The following TUBGCP3 variants were observed in gnomAD, a reference collection of about 807,000 sequenced individuals.
TUBGCP3 encodes the protein tubulin gamma complex component 3.
In TUBGCP3, 50 loss-of-function variants were observed where a neutral mutation model predicts 123.1. The ratio of observed to expected loss-of-function variants is 0.41; its 90% CI spans 0.32 to 0.51. The LOEUF is 0.51. Ranked by LOEUF, TUBGCP3 falls within the 20% of genes least tolerant of loss-of-function variation. The pLI, the probability that TUBGCP3 is intolerant of heterozygous loss-of-function variation, is 0.36. For missense variants in TUBGCP3, 882 were observed against 1,127.0 expected, an observed-to-expected ratio of 0.78 and a Z score of 3.11; for synonymous variants, 405 against 413.9, an observed-to-expected ratio of 0.98 and a Z score of 0.26.
At chr13:112,529,553 G>GA (rs1458163692) in intron 11 of TUBGCP3, among the ~76,000 whole-genome samples, 1 of 152,112 alleles carries the variant, frequency 6.6e-6, no homozygotes, top group Non-Finnish European at 1.5e-5. Flanking sequence ...TGGGGAGGGG[G>GA]AGCCTCTTCA....
At chr13:112,523,252 A>C in intron 13 of TUBGCP3, among the ~76,000 whole-genome samples, 1 of 152,220 alleles carries the variant, frequency 6.6e-6, no homozygotes, top group East Asian at 1.9e-4. Context: ...TGAGAGAAGG[A>C]GGCAAAACGC....
intron 11 of TUBGCP3, among the ~76,000 whole-genome samples, chr13:112,529,090 C>T (rs1158010948): frequency 2.6e-5 from 4 of 152,100 alleles, no homozygotes; most frequent in African/African-American, 9.7e-5. Context: ...TGAGCTCAAG[C>T]GATCTGCCTG....
At chr13:112,496,097 T>A (rs117088259) in intron 20 of TUBGCP3, among the ~76,000 whole-genome samples, 677 of 152,338 alleles carry the variant, frequency 4.4e-3, no homozygotes, top group Non-Finnish European at 7.3e-3. Flanking sequence ...CATGCATGGA[T>A]GCATTATCGT....
At position 112,576,459 on chromosome 13, in the gene TUBGCP3, G is replaced by T. The variant is rs544482001; in HGVS notation, c.77-7200C>A. ...GTTAATGACAATAGATTGTGTACTT[G>T]AAATCTGCTGAGAGTAAATCACAGG... On this transcript the variant is annotated intron_variant, in intron 1 of 21. Transcript: ENST00000261965. Among the ~76,000 whole-genome samples the T allele has an allele frequency of 2.9e-4, 44 of 152,182 alleles. No individual in the cohort carries two copies. The South Asian group carries it at 6.8e-3, about 24-fold the overall frequency.
chr13:112,594,433 A>G, the TUBGCP3 span, among the ~76,000 whole-genome samples: 1 of 152,198 alleles, frequency 6.6e-6, no homozygotes, highest in Non-Finnish European at 1.5e-5. Context: ...TTCATAATAA[A>G]AACTCCCAAC....
chr13:112,550,624 C>A (rs150117173), intron 8 of TUBGCP3, among the ~76,000 whole-genome samples: 4 of 152,222 alleles, frequency 2.6e-5, no homozygotes, highest in African/African-American at 9.6e-5. Flanking sequence ...GTAGGGCAAG[C>A]GCCTGGCACA....
chr13:112,522,168 G>T, intron 14 of TUBGCP3, 152 bp downstream of exon 14: 1 of 836,348 alleles, frequency 1.2e-6, no homozygotes, highest in Non-Finnish European at 1.7e-6. Context: ...TTTACCTTTT[G>T]AAAATTTTAC....
the TUBGCP3 span, among the ~76,000 whole-genome samples, chr13:112,600,521 G>A: frequency 1.1e-4 from 17 of 152,272 alleles, no homozygotes; most frequent in South Asian, 8.3e-4. Flanking sequence ...TCAGGAAAAT[G>A]TCATTAAACT....
At chr13:112,543,473 G>A (rs1477082440) in intron 11 of TUBGCP3, among the ~76,000 whole-genome samples, 1 of 152,150 alleles carries the variant, frequency 6.6e-6, no homozygotes, top group African/African-American at 2.4e-5. Flanking sequence ...GGAATTGACA[G>A]GCTGATTCTA....
intron 11 of TUBGCP3, among the ~76,000 whole-genome samples, chr13:112,538,692 A>G (rs1362286815): frequency 6.6e-6 from 1 of 152,230 alleles, no homozygotes; most frequent in African/African-American, 2.4e-5. Context: ...TATAAAAAGA[A>G]GCATTTTCTT....
chr13:112,599,954 A>T, the TUBGCP3 span, among the ~76,000 whole-genome samples: 1 of 152,196 alleles, frequency 6.6e-6, no homozygotes, highest in African/African-American at 2.4e-5. Flanking sequence ...TTTCTCCTAT[A>T]ATTAGCATCT....
At chr13:112,532,125 C>A (rs756067706) in intron 11 of TUBGCP3, among the ~76,000 whole-genome samples, 9 of 152,278 alleles carry the variant, frequency 5.9e-5, no homozygotes, top group Non-Finnish European at 1.0e-4. Context: ...AGAGATTTCT[C>A]CTAAGGCCAC....
intron 3 of TUBGCP3, among the ~76,000 whole-genome samples, chr13:112,562,479 C>T (rs1316810643): frequency 6.6e-6 from 1 of 152,206 alleles, no homozygotes; most frequent in Non-Finnish European, 1.5e-5. Flanking sequence ...AGCTGCCCAG[C>T]AGCAGGGGAG....
At chr13:112,568,603 A>T (rs1170400416) in intron 2 of TUBGCP3, among the ~76,000 whole-genome samples, 1 of 152,262 alleles carries the variant, frequency 6.6e-6, no homozygotes, top group African/African-American at 2.4e-5. Context: ...CAAGGCCAAC[A>T]TCTACTCCAC....
intron 5 of TUBGCP3, among the ~76,000 whole-genome samples, chr13:112,557,894 A>C (rs976270612): frequency 2.6e-5 from 4 of 152,266 alleles, no homozygotes; most frequent in African/African-American, 9.6e-5. Context: ...ACAGTCAGAG[A>C]GCCTCCAGAT....
At chr13:112,600,480 C>T in the TUBGCP3 span, among the ~76,000 whole-genome samples, 1 of 152,122 alleles carries the variant, frequency 6.6e-6, no homozygotes, top group African/African-American at 2.4e-5. Flanking sequence ...CGGATTGAAA[C>T]TTGAACCAGG....
upstream of TUBGCP3, among the ~76,000 whole-genome samples, chr13:112,590,227 C>T (rs1318280340): frequency 3.3e-5 from 5 of 152,150 alleles, no homozygotes; most frequent in Non-Finnish European, 7.3e-5. Flanking sequence ...GTGCCCGCCT[C>T]GGCCTCCCAA....
chr13:112,522,240 A>G, intron 14 of TUBGCP3, 80 bp downstream of exon 14: 1 of 1,179,344 alleles, frequency 8.5e-7, no homozygotes, highest in South Asian at 2.5e-5. Flanking sequence ...TTCTTTTAAT[A>G]TAATTTATTC....
At chr13:112,540,296 T>C (rs1878409812) in intron 11 of TUBGCP3, among the ~76,000 whole-genome samples, 2 of 141,822 alleles carry the variant, frequency 1.4e-5, no homozygotes, top group Non-Finnish European at 3.2e-5. Flanking sequence ...AGCATTCAGG[T>C]GGTCTTGGGA....
Sources: gnomAD v4.1 joint callset for allele counts (sites outside exome capture counted in the v4.1 genomes callset) on GRCh38, gnomAD v4.1.1 for gene constraint, MANE v1.5 for transcripts, NCBI Gene and HGNC (gene_info 2026-07-23, HGNC 2026-07-21) for gene names.